The following ACSF3 variants were observed in gnomAD, a reference collection of about 807,000 sequenced individuals.
ACSF3 encodes malonate--CoA ligase ACSF3, mitochondrial.
In ACSF3, 78 loss-of-function variants were observed where a neutral mutation model predicts 53.2. That is an observed-to-expected ratio of 1.47 (90% CI 1.22 to 1.77). The LOEUF is 1.77. Among genes scored for constraint, ACSF3 ranks in the 40% most tolerant of loss-of-function variants. The pLI, the probability that ACSF3 is intolerant of heterozygous loss-of-function variation, is 0.00. For synonymous variants in ACSF3, 414 were observed against 333.1 expected, an observed-to-expected ratio of 1.24 and a Z score of -2.65; for missense variants, 937 against 771.1, an observed-to-expected ratio of 1.22 and a Z score of -2.55.
At chr16:89,141,621 G>A (rs755278845) in intron 8 of ACSF3, among the ~76,000 whole-genome samples, 2 of 152,222 alleles carry the variant, frequency 1.3e-5, no homozygotes, top group Non-Finnish European at 2.9e-5. Flanking sequence ...CCCGGGAGAC[G>A]CATGTGGGAC....
intron 10 of ACSF3, chr16:89,148,397 G>C (rs1746930709): frequency 6.6e-6 from 1 of 152,028 alleles, no homozygotes; most frequent in Admixed American, 6.6e-5. Context: ...ACCCCACCCA[G>C]CCCAATAAAT....
chr16:89,148,147 C>A (rs1048498278), intron 10 of ACSF3: 3 of 146,844 alleles, frequency 2.0e-5, no homozygotes, highest in Admixed American at 6.8e-5. Flanking sequence ...CTCTGATGCC[C>A]AGGCTGGAGT....
chr16:89,125,698 A>AGAG (rs1555570978), intron 7 of ACSF3, among the ~76,000 whole-genome samples: 7 of 147,892 alleles, frequency 4.7e-5, no homozygotes, highest in East Asian at 2.0e-4. Flanking sequence ...CAAAAAAAAA[A>AGAG]AGAGAGAGAG....
chr16:89,130,051 G>T (rs1453195877), intron 7 of ACSF3, among the ~76,000 whole-genome samples: 1 of 152,144 alleles, frequency 6.6e-6, no homozygotes, highest in Non-Finnish European at 1.5e-5. Flanking sequence ...CCAAATATTT[G>T]CCACTTCTGT....
chr16:89,101,196 C>T lies in ACSF3; in HGVS notation c.515C>T (p.Pro172Leu), dbSNP rs1975281117. 2 of 1,608,022 alleles carry T rather than the reference C, an allele frequency of 1.2e-6. No individual in the cohort carries two copies. The highest frequency in any genetic ancestry group is 1.3e-5 in the African/African-American group (1 of 74,850). The change falls in exon 3 of 11, where the codon CCA (proline) becomes CTA (leucine). Residue 172 changes from proline (P) to leucine (L), a missense_variant. By Grantham distance (98) the Pro-to-Leu change is moderately conservative. Transcript: ENST00000614302. Reference protein sequence around the residue: ...KLGVPLLPLTPAIYTGAVEEP... With the variant: ...KLGVPLLPLTLAIYTGAVEEP... ...GGGGTCCCGCTGCTGCCGCTCACAC[C>T]AGCCATCTACACTGGAGCAGTAGAG...
intron 8 of ACSF3, chr16:89,136,478 C>A: frequency 8.3e-7 from 1 of 1,207,268 alleles, no homozygotes; most frequent in African/African-American, 1.6e-5. Flanking sequence ...CTCACAGCTG[C>A]CGCTCCTGCC....
intron 8 of ACSF3, among the ~76,000 whole-genome samples, chr16:89,137,493 G>T (rs557966496): frequency 7.9e-6 from 1 of 126,082 alleles, no homozygotes; most frequent in African/African-American, 3.1e-5. Flanking sequence ...AGATTGAGGG[G>T]AAGAGCCCCA....
intron 10 of ACSF3, 143 bp downstream of exon 10, chr16:89,146,192 C>G: frequency 1.6e-6 from 1 of 639,048 alleles, no homozygotes; most frequent in East Asian, 2.7e-5. Context: ...CCTTAGAGAC[C>G]TGAAGGCCGC....
intron 7 of ACSF3, among the ~76,000 whole-genome samples, chr16:89,123,293 G>A (rs538517408): frequency 5.3e-5 from 8 of 152,292 alleles, no homozygotes; most frequent in African/African-American, 1.9e-4. Flanking sequence ...AGGTGATGAT[G>A]GGCGCTGTGA....
At chr16:89,137,957 C>T (rs1024129653) in intron 8 of ACSF3, among the ~76,000 whole-genome samples, 1 of 152,194 alleles carries the variant, frequency 6.6e-6, no homozygotes, top group Non-Finnish European at 1.5e-5. Flanking sequence ...TCCCTGGGCA[C>T]CCCAGAACCC....
chr16:89,098,167 A>G (rs1974841706), intron 1 of ACSF3, among the ~76,000 whole-genome samples: 1 of 152,256 alleles, frequency 6.6e-6, no homozygotes. Context: ...GGTCTCAAGC[A>G]CAAAACATAC....
chr16:89,124,305 G>A (rs7404618), intron 7 of ACSF3, among the ~76,000 whole-genome samples: 2 of 152,206 alleles, frequency 1.3e-5, no homozygotes, highest in African/African-American at 4.8e-5. Flanking sequence ...TGTGCACACT[G>A]CATATATGTG....
Position 89,146,052 on chromosome 16 carries a change from AGGGCTGGGTG to A in ACSF3, c.1613+8_1613+17del. The A allele has an allele frequency of 8.8e-6, 4 of 455,906 alleles. No homozygotes were observed. The highest frequency in any genetic ancestry group is 1.8e-5 in the Non-Finnish European group (4 of 227,400). 28.2% of individuals were successfully genotyped at this position (455,906 alleles called of 1,614,324 possible). A position where few individuals can be genotyped will look rare whatever the true frequency, so the allele number is the denominator to read the frequency against. On this transcript the variant is annotated splice_donor_5th_base_variant and intron_variant, in intron 10 of 10. Transcript: ENST00000614302. ...AGGGAGCTCAAAGAGTGGGCCAGGT[AGGGCTGGGTG>A]GGGCGGGCAGGGAGCACTCATGGGG...
In ACSF3 at chr16:89,102,545, T is replaced by A. The variant is rs113038318; in HGVS notation, c.667-59T>A. On this transcript the variant is annotated intron_variant, in intron 3 of 10. Transcript: ENST00000614302. ...CCTTTCCGTGAGCCCGAGGTCTGTG[T>A]GTGCTGTTGCGGGCCACAGTCTTGC... 8.1e-6 allele frequency: 13 copies of A among 1,599,568 alleles called. No individual in the cohort carries two copies. The African/African-American group carries it at 9.4e-5, about 12-fold the overall frequency.
In ACSF3 at chr16:89,155,747, T is replaced by C. The variant is rs1260454754; in HGVS notation, c.*1540T>C. The C allele has an allele frequency of 2.2e-6, 1 of 453,794 alleles. No individual in the cohort carries two copies. The highest frequency in any genetic ancestry group is 2.0e-5 in the African/African-American group (1 of 50,084). 28.1% of individuals were successfully genotyped at this position (453,794 alleles called of 1,614,324 possible). ...GGTCAAATTTAACATAGCAAAATTT[T>C]TACTTAATTCCACTAATTTTACATT... On this transcript the variant is annotated 3_prime_UTR_variant, in exon 11 of 11. Coordinates refer to ENST00000614302, the MANE Select transcript of ACSF3 (RefSeq NM_001243279.3).
At chr16:89,113,995 C>A in intron 5 of ACSF3, 1 of 373,870 alleles carries the variant, frequency 2.7e-6, no homozygotes, top group Non-Finnish European at 5.2e-6. Context: ...GCTGCACGGT[C>A]ACTGCTGTTC....
intron 6 of ACSF3, 69 bp from the exon 7 acceptor site, chr16:89,120,732 A>G: frequency 6.9e-7 from 1 of 1,453,676 alleles, no homozygotes; most frequent in Non-Finnish European, 9.7e-7. Context: ...ATCCGAGCTC[A>G]GTGTGTGCTT....
intron 8 of ACSF3, among the ~76,000 whole-genome samples, chr16:89,142,047 G>A (rs1037888581): frequency 6.0e-4 from 92 of 152,346 alleles, no homozygotes; most frequent in African/African-American, 2.1e-3. Flanking sequence ...GAAGCCTGGG[G>A]CCCTGGGAAT....
In ACSF3 at chr16:89,146,011, A is replaced by G. The variant is rs1184228985; in HGVS notation, c.1575A>G (p.Gly525=). ...CTGCTGTGGTGACCCTCCGAGAAGG[A>G]CACTCACTGTCCCACAGGGAGCTCA... The part of the protein sequence containing the change: ...RVTAVVTLRE[G]HSLSHRELKE... The change falls in exon 10 of 11, where the codon GGA becomes GGG. Residue 525 remains glycine, a synonymous_variant. Transcript: ENST00000614302. The G allele has an allele frequency of 6.2e-7, 1 of 1,606,932 alleles. No homozygotes were observed. Among genetic ancestry groups the G allele is most frequent in the Non-Finnish European group, 8.5e-7 (1 of 1,176,552 alleles).
Sources: allele counts gnomAD v4.1 joint callset (sites outside exome capture counted in the v4.1 genomes callset), GRCh38; gene constraint gnomAD v4.1.1; transcripts MANE v1.5; gene names NCBI Gene and HGNC (gene_info 2026-07-23, HGNC 2026-07-21).